The following B4GALNT4 variants were observed in gnomAD, a reference collection of about 807,000 sequenced individuals.
B4GALNT4 encodes beta-1,4-N-acetyl-galactosaminyltransferase 4.
A neutral mutation model predicts 110.0 loss-of-function variants in B4GALNT4; 77 were observed. The observed-to-expected ratio is 0.70, with a 90% CI of 0.58 to 0.85. The LOEUF (loss-of-function observed/expected upper bound fraction) is 0.85, where lower values mean the gene tolerates loss of function less well. B4GALNT4 is among the 40% of genes least tolerant of loss of function. B4GALNT4 has a pLI of 0.00. For synonymous variants in B4GALNT4, 785 were observed against 655.5 expected (o/e 1.20, Z -3.02); for missense variants, 1,575 against 1,506.0 (o/e 1.05, Z -0.76).
rs755485725 is a variant in B4GALNT4 at position 377,216 on chromosome 11, C to G, written c.2093C>G (p.Ser698Trp). The change falls in exon 14 of 20, where the codon TCG becomes TGG. Residue 698 changes from serine to tryptophan, a missense_variant. Transcript: ENST00000329962. The part of the protein sequence containing the change: ...VGAVDFELLR[S>W]DWNDLRCNVS... The stretch of plus-strand genomic sequence containing the variant: ...GCCGTGGACTTCGAGCTGCTGCGCT[C>G]GGACTGGAACGACCTGCGATGCAAC... 1.9e-6 allele frequency: 3 copies of G among 1,595,902 alleles called. No homozygotes were observed. Among genetic ancestry groups the G allele is most frequent in the African/African-American group, 1.3e-5 (1 of 74,580 alleles).
intron 6 of B4GALNT4, 27 bp from the exon 7 acceptor site, chr11:373,422 C>CCA: frequency 6.7e-6 from 9 of 1,351,772 alleles, no homozygotes; most frequent in Admixed American, 3.6e-5. Flanking sequence ...CCCCCCCCAC[C>CCA]ACCACCCCTG....
In B4GALNT4 at chr11:381,937, C is replaced by T. The variant is rs1429445874; in HGVS notation, c.*145C>T. On this transcript the variant is annotated 3_prime_UTR_variant, in exon 20 of 20. Coordinates refer to ENST00000329962, the MANE Select transcript of B4GALNT4 (RefSeq NM_178537.5). The stretch of plus-strand genomic sequence containing the variant: ...GCCTGCCCCTCTCTGGCCCACTGGG[C>T]GTCGTGCCCCTCCCCGGAGAGGCAG... 5.0e-6 allele frequency: 5 copies of T among 991,926 alleles called. No individual in the cohort carries two copies. Among genetic ancestry groups the T allele is most frequent in the South Asian group, 2.3e-5 (1 of 42,814 alleles). The allele number at this position is 991,926 out of a possible 1,614,324, so 61.4% of individuals were successfully genotyped here.
Position 380,402 on chromosome 11 carries a change from G to A in B4GALNT4, c.2826G>A (p.Val942=), listed in dbSNP as rs2133581153. 1 of 1,612,384 alleles carries A rather than the reference G, an allele frequency of 6.2e-7. No individual in the cohort carries two copies. The highest frequency in any genetic ancestry group is 8.5e-7 in the Non-Finnish European group (1 of 1,179,540). Residue 942 remains valine (V), a synonymous_variant, in exon 18 of 20, where the codon GTG becomes GTA. Coordinates refer to ENST00000329962, the MANE Select transcript of B4GALNT4 (RefSeq NM_178537.5). ...AGGGCAGGCTGGCCTTCGCGCCCGT[G>A]GTCATGCGCCTGAGCTGCGGGAGCT... ...CVEGRLAFAP[V]VMRLSCGSSP...
At chr11:376,047 T>A in intron 11 of B4GALNT4, 27 bp from the exon 12 acceptor site, 2 of 1,604,510 alleles carry the variant, frequency 1.2e-6, no homozygotes, top group Non-Finnish European at 1.7e-6. Flanking sequence ...GTCCGCGCCC[T>A]GAGCCCTGCG....
intron 18 of B4GALNT4, 65 bp from the exon 19 acceptor site, chr11:380,760 G>T: frequency 6.3e-7 from 1 of 1,587,300 alleles, no homozygotes; most frequent in Non-Finnish European, 8.5e-7. Flanking sequence ...TCCTAGCGGC[G>T]CTTTGCCGGG....
In B4GALNT4 at chr11:379,487, G is replaced by A. The variant is rs1253057024; in HGVS notation, c.2274G>A (p.Leu758=). Residue 758 remains leucine (L), a synonymous_variant, in exon 15 of 20, where the codon CTG becomes CTA. Transcript: ENST00000329962. ...RRDSARGSRF[L]LELELQERGG... is the part of the protein sequence containing the mutation. ...ACTCGGCGCGAGGGAGTCGCTTCCTGCTGGAGCTGGAGCTGCAGGAGCGCG... is the reference window on the plus strand; with the variant it reads ...ACTCGGCGCGAGGGAGTCGCTTCCTACTGGAGCTGGAGCTGCAGGAGCGCG... 1.3e-6 allele frequency: 2 copies of A among 1,572,976 alleles called. No homozygotes were observed. The highest frequency in any genetic ancestry group is 1.8e-5 in the Admixed American group (1 of 54,176).
rs747788017 is a variant in B4GALNT4 at position 376,966 on chromosome 11, G to A, written c.1843G>A (p.Asp615Asn). The change falls in exon 14 of 20, where the codon GAC (aspartate) becomes AAC (asparagine). Residue 615 changes from aspartate to asparagine, a missense_variant. Physicochemically the swap from Asp to Asn is conservative, Grantham distance 23 (BLOSUM62 1). Coordinates refer to ENST00000329962, the MANE Select transcript of B4GALNT4 (RefSeq NM_178537.5). ...RTLGPAAPTV[D>N]SNLSSEARPV... ...GCTGGGACCTGCGGCGCCCACAGTG[G>A]ACTCAAACTTGTCCTCCGAAGCGCG... 1.2e-5 allele frequency: 18 copies of A among 1,455,538 alleles called. No homozygotes were observed. In the East Asian group the frequency reaches 4.9e-4, roughly 40 times the overall value. 90.2% of individuals were successfully genotyped at this position (1,455,538 alleles called of 1,614,324 possible). A position where few individuals can be genotyped will look rare whatever the true frequency, so the allele number is the denominator to read the frequency against.
intron 1 of B4GALNT4, among the ~76,000 whole-genome samples, chr11:370,755 C>T (rs892302543): frequency 1.2e-4 from 18 of 152,108 alleles, no homozygotes; most frequent in Non-Finnish European, 2.1e-4. Context: ...AGGAGAGACC[C>T]CAGCTGGCTG....
At chr11:373,884 G>A (rs1466462458) in intron 8 of B4GALNT4, 56 bp downstream of exon 8, 5 of 1,559,180 alleles carry the variant, frequency 3.2e-6, no homozygotes, top group African/African-American at 2.7e-5. Flanking sequence ...CCACCTCCCT[G>A]CAGGACAACC....
chr11:372,695 G>T lies in B4GALNT4; in HGVS notation c.289G>T (p.Gly97Trp), dbSNP rs530402369. 3.7e-5 allele frequency: 60 copies of T among 1,611,612 alleles called. 2 individuals are homozygous for T. In the South Asian group the frequency reaches 6.3e-4, roughly 17 times the overall value. ...EGRDLDMLFP[G>W]GAGRLPLNFT... The stretch of plus-strand genomic sequence containing the variant: ...TCGGGACCTAGACATGCTGTTTCCT[G>T]GGGGGGCTGGGAGGCTGCCACTGAA... The change falls in exon 3 of 20, where the codon GGG becomes TGG. Residue 97 changes from glycine to tryptophan, a missense_variant. Transcript: ENST00000329962.
rs1165092374 is a variant in B4GALNT4, at chr11:369,634, TG to T, written c.-163del. Reference sequence around the variant, plus strand: ...CCCGGGCCCGCGGCCGAGGGCGGCCTGGGGGGGTCGCGGCCGCACCCGGTGG... The same window carrying T: ...CCCGGGCCCGCGGCCGAGGGCGGCCTGGGGGGTCGCGGCCGCACCCGGTGG... On this transcript the variant is annotated 5_prime_UTR_variant, in exon 1 of 20. Transcript: ENST00000329962. Among the ~76,000 whole-genome samples, 2 of 140,222 alleles carry T rather than the reference TG, an allele frequency of 1.4e-5. No individual in the cohort carries two copies. Among genetic ancestry groups the T allele is most frequent in the Non-Finnish European group, 3.1e-5 (2 of 64,022 alleles). The allele number at this position is 140,222 out of a possible 152,430, so 92.0% of individuals were successfully genotyped here.
Position 381,876 on chromosome 11 carries a change from G to A in B4GALNT4, c.*84G>A, listed in dbSNP as rs965100193. ...CTTTGAGCTCGGTCCCGAGAGACCC[G>A]GCAGGGCTGGTCAGAGGGGCACAGC... On this transcript the variant is annotated 3_prime_UTR_variant, in exon 20 of 20. Coordinates refer to ENST00000329962, the MANE Select transcript of B4GALNT4 (RefSeq NM_178537.5). 6.6e-5 allele frequency: 93 copies of A among 1,416,212 alleles called. 1 individual carries two copies. The South Asian group carries it at 7.7e-4, about 12-fold the overall frequency. 87.7% of individuals were successfully genotyped at this position (1,416,212 alleles called of 1,614,324 possible). A position where few individuals can be genotyped will look rare whatever the true frequency, so the allele number is the denominator to read the frequency against.
In B4GALNT4 at chr11:375,478, C is replaced by G. The variant is rs758821621; in HGVS notation, c.801C>G (p.Pro267=). 5.6e-6 allele frequency: 9 copies of G among 1,611,890 alleles called. No individual in the cohort carries two copies. Among genetic ancestry groups the G allele is most frequent in the Non-Finnish European group, 7.6e-6 (9 of 1,179,778 alleles). ...CCCCGCAGTGGCGAGCTTTCCTGCC[C>G]GGCCTGAAGTTCGAGGTCATCAGCT... The part of the protein sequence containing the change: ...HVEVGWRAFL[P]GLKFEVISSA... Residue 267 remains proline (P), a synonymous_variant, in exon 9 of 20, where the codon CCC becomes CCG. Transcript: ENST00000329962.
rs984303735 is a variant in B4GALNT4, at chr11:376,940, C to T, written c.1817C>T (p.Thr606Met). Reference sequence around the variant, plus strand: ...GGGGGCCGGGAGGGCCAGGCGCGCACGCTGGGACCTGCGGCGCCCACAGTG... The same window carrying T: ...GGGGGCCGGGAGGGCCAGGCGCGCATGCTGGGACCTGCGGCGCCCACAGTG... ...TQGGREGQAR[T>M]LGPAAPTVDS... The change falls in exon 14 of 20, where the codon ACG becomes ATG. Residue 606 changes from threonine (T) to methionine (M), a missense_variant. Coordinates refer to ENST00000329962, the MANE Select transcript of B4GALNT4 (RefSeq NM_178537.5). 7.7e-6 allele frequency: 11 copies of T among 1,437,256 alleles called. No individual in the cohort carries two copies. The Admixed American group carries it at 9.7e-5, about 13-fold the overall frequency. The allele number at this position is 1,437,256 out of a possible 1,614,324, so 89.0% of individuals were successfully genotyped here.
Position 376,288 on chromosome 11 carries a change from G to A in B4GALNT4, c.1234G>A (p.Glu412Lys). ...TAAATACATGAAGATGGACAAGGAG[G>A]AGGGGGATGAGGATGAAGAAGACGA... The part of the protein sequence containing the change: ...FYKYMKMDKE[E>K]GDEDEEDEVQ... Residue 412 changes from glutamate to lysine, a missense_variant, in exon 13 of 20, where the codon GAG becomes AAG. Transcript: ENST00000329962. The A allele has an allele frequency of 1.2e-6, 2 of 1,610,460 alleles. No homozygotes were observed. Among genetic ancestry groups the A allele is most frequent in the South Asian group, 1.1e-5 (1 of 90,982 alleles).
intron 14 of B4GALNT4, among the ~76,000 whole-genome samples, chr11:378,974 G>T (rs1381044236): frequency 6.6e-6 from 1 of 152,172 alleles, no homozygotes; most frequent in Non-Finnish European, 1.5e-5. Context: ...GCCTGAGGAG[G>T]AGTCTGCTAC....
Position 376,157 on chromosome 11 carries a change from T to G in B4GALNT4, c.1179T>G (p.Ser393=), listed in dbSNP as rs763808104. 76 of 1,431,782 alleles carry G rather than the reference T, an allele frequency of 5.3e-5. 1 individual carries two copies. The East Asian group carries it at 1.2e-3, about 23-fold the overall frequency. 88.7% of individuals were successfully genotyped at this position (1,431,782 alleles called of 1,614,324 possible). Residue 393 remains serine, a synonymous_variant, in exon 12 of 20, where the codon TCT becomes TCG. Transcript: ENST00000329962. ...ACAACAAGTGCTTCTACCGCGAGTCTCCGCTGTATCTGGAGAGGTGGGCGC... is the reference window on the plus strand; with the variant it reads ...ACAACAAGTGCTTCTACCGCGAGTCGCCGCTGTATCTGGAGAGGTGGGCGC... The part of the protein sequence containing the change: ...ETDNKCFYRE[S]PLYLERFGFY...
At chr11:370,002 GGGGCGCGGGGGGCGCGGGC>G (rs1391451225) in intron 1 of B4GALNT4, 48 bp downstream of exon 1, 7 of 174,998 alleles carry the variant, frequency 4.0e-5, no homozygotes, top group African/African-American at 5.4e-5. Context: ...GGCGGCGCGG[GGGGCGCGGGGGGCGCGGGC>G]GGCGCGGGGG....
At position 376,773 on chromosome 11, in the gene B4GALNT4, C is replaced by T. The variant is rs1187047710; in HGVS notation, c.1650C>T (p.Phe550=). The T allele has an allele frequency of 7.2e-7, 1 of 1,387,140 alleles. No homozygotes were observed. The highest frequency in any genetic ancestry group is 3.3e-5 in the Admixed American group (1 of 30,734). 85.9% of individuals were successfully genotyped at this position (1,387,140 alleles called of 1,614,324 possible). A position where few individuals can be genotyped will look rare whatever the true frequency, so the allele number is the denominator to read the frequency against. The change falls in exon 14 of 20, where the codon TTC becomes TTT. Residue 550 remains phenylalanine, a synonymous_variant. Transcript: ENST00000329962. ...APAPRAPWPP[F]PGVFLHPRPL... is the part of the protein sequence containing the mutation. ...CGCCGCGTGCGCCCTGGCCGCCCTT[C>T]CCTGGCGTCTTCCTGCACCCCAGGC...
Sources: gnomAD v4.1 joint callset for allele counts (sites outside exome capture counted in the v4.1 genomes callset) on GRCh38, gnomAD v4.1.1 for gene constraint, MANE v1.5 for transcripts, NCBI Gene and HGNC (gene_info 2026-07-23, HGNC 2026-07-21) for gene names.